The following FOXC1 variants were observed in gnomAD, a reference collection of about 807,000 sequenced individuals.
FOXC1 encodes the protein forkhead box C1, also known as forkhead box protein C1.
Under a neutral mutation model 8.1 loss-of-function variants are expected in FOXC1, and 5 were observed. The observed-to-expected ratio is 0.62, with a 90% CI of 0.32 to 1.30. The LOEUF is 1.30. FOXC1 is among the 50% of genes most tolerant of loss of function. FOXC1 has a pLI of 0.05. For synonymous variants in FOXC1, 552 were observed against 417.2 expected (o/e 1.32, Z -3.94); for missense variants, 942 against 858.0 (o/e 1.10, Z -1.22).
rs780038931 is a variant in FOXC1, at chr6:1,610,648, C to CGCCGCA, written c.213_218dup (p.Gln72_Pro73dup). 16 of 1,613,124 alleles carry CGCCGCA rather than the reference C, an allele frequency of 9.9e-6. No homozygotes were observed. The highest frequency in any genetic ancestry group is 9.3e-6 in the Non-Finnish European group (11 of 1,179,938). On this transcript the variant is annotated inframe_insertion, in exon 1 of 1. Coordinates refer to ENST00000645831, the MANE Select transcript of FOXC1 (RefSeq NM_001453.3). The stretch of plus-strand genomic sequence containing the variant: ...ATGGCCCGCGCCTACGGGCCCTACA[C>CGCCGCA]GCCGCAGCCGCAGCCCAAGGACATG...
rs753249545 is a variant in FOXC1 at position 1,611,979 on chromosome 6, G to A, written c.1534G>A (p.Glu512Lys). 1 of 1,611,582 alleles carries A rather than the reference G, an allele frequency of 6.2e-7. No homozygotes were observed. Among genetic ancestry groups the A allele is most frequent in the Non-Finnish European group, 8.5e-7 (1 of 1,179,152 alleles). ...QNFHSVREMF[E>K]SQRIGLNNSP... ...CTTCCACTCGGTGCGGGAGATGTTC[G>A]AGTCACAGAGGATCGGCTTGAACAA... Residue 512 changes from glutamate (E) to lysine (K), a missense_variant, in exon 1 of 1, where the codon GAG becomes AAG. Glu to Lys is a moderately conservative substitution (Grantham distance 56). This residue lies in a region of FOXC1 where 726 missense variants were observed against 599.6 expected (regional missense o/e 1.21). Coordinates refer to ENST00000645831, the MANE Select transcript of FOXC1 (RefSeq NM_001453.3). This position sits in a 1 kb window ranked among gnomAD's most constrained non-coding sequence, Gnocchi z 7.1.
In FOXC1 at chr6:1,611,432, C is replaced by A; in HGVS notation, c.987C>A (p.Ser329Arg). 7.0e-7 allele frequency: 1 copy of A among 1,425,440 alleles called. No homozygotes were observed. Among genetic ancestry groups the A allele is most frequent in the Non-Finnish European group, 9.2e-7 (1 of 1,090,704 alleles). 88.3% of individuals were successfully genotyped at this position (1,425,440 alleles called of 1,614,324 possible). The change falls in exon 1 of 1, where the codon AGC (serine) becomes AGA (arginine). Residue 329 changes from serine to arginine, a missense_variant. Physicochemically the swap from Ser to Arg is moderately radical, Grantham distance 110 (BLOSUM62 -1). This residue lies in a region of FOXC1 where 726 missense variants were observed against 599.6 expected (regional missense o/e 1.21). Coordinates refer to ENST00000645831, the MANE Select transcript of FOXC1 (RefSeq NM_001453.3). The surrounding 1 kb of genome is among the most constrained non-coding windows in gnomAD (Gnocchi z 7.1). ...GSPQSAAAEL[S>R]SGLLASAAAS... ...CGCAGAGCGCGGCCGCGGAGCTCAGCTCCGGCCTTCTGGCCTCGGCGGCCG... is the reference window on the plus strand; with the variant it reads ...CGCAGAGCGCGGCCGCGGAGCTCAGATCCGGCCTTCTGGCCTCGGCGGCCG...
In FOXC1 at chr6:1,612,010, C is replaced by A; in HGVS notation, c.1565C>A (p.Pro522Gln). ...CAGAGGATCGGCTTGAACAACTCTC[C>A]AGTGAACGGGAATAGTAGCTGTCAA... is the stretch of plus-strand genomic sequence containing the variant. Reference protein sequence around the residue: ...ESQRIGLNNSPVNGNSSCQMA... With the variant: ...ESQRIGLNNSQVNGNSSCQMA... The change falls in exon 1 of 1, where the codon CCA (proline) becomes CAA (glutamine). Residue 522 changes from proline (P) to glutamine (Q), a missense_variant. Physicochemically the swap from Pro to Gln is moderately conservative, Grantham distance 76. Coordinates refer to ENST00000645831, the MANE Select transcript of FOXC1 (RefSeq NM_001453.3). 6.2e-7 allele frequency: 1 copy of A among 1,612,670 alleles called. No homozygotes were observed. The highest frequency in any genetic ancestry group is 8.5e-7 in the Non-Finnish European group (1 of 1,179,794).
rs1455415866 is a variant in FOXC1 at position 1,611,472 on chromosome 6, G to A, written c.1027G>A (p.Gly343Arg). Residue 343 changes from glycine to arginine, a missense_variant, in exon 1 of 1, where the codon GGG becomes AGG. Gly to Arg is a moderately radical substitution (Grantham distance 125, BLOSUM62 -2). Coordinates refer to ENST00000645831, the MANE Select transcript of FOXC1 (RefSeq NM_001453.3). The surrounding 1 kb of genome is among the most constrained non-coding windows in gnomAD (Gnocchi z 7.1). The stretch of plus-strand genomic sequence containing the variant: ...CTCGGCGGCCGCGTCCTCGCGCGCG[G>A]GGATCGCACCCCCGCTGGCGCTCGG... ...LASAAASSRA[G>R]IAPPLALGAY... 7.2e-7 allele frequency: 1 copy of A among 1,384,498 alleles called. No individual in the cohort carries two copies. Among genetic ancestry groups the A allele is most frequent in the Non-Finnish European group, 9.4e-7 (1 of 1,066,324 alleles). The allele number at this position is 1,384,498 out of a possible 1,614,324, so 85.8% of individuals were successfully genotyped here.
Position 1,612,185 on chromosome 6 carries a change from A to G in FOXC1, c.*78A>G. ...AACCCATCAAGGCAAAATCGAAACT[A>G]AAAAAAAAAAATCCAATTAAAAAAA... On this transcript the variant is annotated 3_prime_UTR_variant, in exon 1 of 1. Transcript: ENST00000645831. 1.7e-6 allele frequency: 1 copy of G among 594,716 alleles called. No individual in the cohort carries two copies. The highest frequency in any genetic ancestry group is 2.3e-6 in the Non-Finnish European group (1 of 436,322). 36.8% of individuals were successfully genotyped at this position (594,716 alleles called of 1,614,324 possible).
rs1762572834 is a variant in FOXC1 at position 1,612,320 on chromosome 6, C to T, written c.*213C>T. On this transcript the variant is annotated 3_prime_UTR_variant, in exon 1 of 1. Coordinates refer to ENST00000645831, the MANE Select transcript of FOXC1 (RefSeq NM_001453.3). ...TTTTCTTAACCGATTAATTCAGAGC[C>T]ACCTCCACTTTGCCTTGTCTAAATA... is the stretch of plus-strand genomic sequence containing the variant. The T allele has an allele frequency of 1.4e-6, 1 of 711,944 alleles. No homozygotes were observed. The highest frequency in any genetic ancestry group is 1.8e-5 in the African/African-American group (1 of 55,524). The allele number at this position is 711,944 out of a possible 1,614,324, so 44.1% of individuals were successfully genotyped here.
Position 1,611,298 on chromosome 6 carries a change from C to G in FOXC1, c.853C>G (p.Leu285Val). 1 of 1,410,306 alleles carries G rather than the reference C, an allele frequency of 7.1e-7. No homozygotes were observed. Among genetic ancestry groups the G allele is most frequent in the African/African-American group, 1.5e-5 (1 of 65,842 alleles). 87.4% of individuals were successfully genotyped at this position (1,410,306 alleles called of 1,614,324 possible). ...CCTGCCGTCGGCGCGGCCGCTCAGC[C>G]TGGACGGTGCGGATTCCGCGCCGCC... is the stretch of plus-strand genomic sequence containing the variant. Reference protein sequence around the residue: ...GSLPSARPLSLDGADSAPPPP... With the variant: ...GSLPSARPLSVDGADSAPPPP... Residue 285 changes from leucine (L) to valine (V), a missense_variant, in exon 1 of 1, where the codon CTG (leucine) becomes GTG (valine). Transcript: ENST00000645831. The surrounding 1 kb of genome is among the most constrained non-coding windows in gnomAD (Gnocchi z 7.1).
rs1213205392 is a variant in FOXC1, at chr6:1,612,004, A to G, written c.1559A>G (p.Asn520Ser). 2 of 1,611,196 alleles carry G rather than the reference A, an allele frequency of 1.2e-6. No homozygotes were observed. Among genetic ancestry groups the G allele is most frequent in the African/African-American group, 1.3e-5 (1 of 74,708 alleles). Residue 520 changes from asparagine (N) to serine (S), a missense_variant, in exon 1 of 1, where the codon AAC becomes AGC. This residue lies in a region of FOXC1 where 726 missense variants were observed against 599.6 expected (regional missense o/e 1.21). Transcript: ENST00000645831. Reference protein sequence around the residue: ...MFESQRIGLNNSPVNGNSSCQ... With the variant: ...MFESQRIGLNSSPVNGNSSCQ... The stretch of plus-strand genomic sequence containing the variant: ...GAGTCACAGAGGATCGGCTTGAACA[A>G]CTCTCCAGTGAACGGGAATAGTAGC...
rs1346167733 is a variant in FOXC1, at chr6:1,610,206, C to G, written c.-240C>G. The stretch of plus-strand genomic sequence containing the variant: ...GCGGTCTGCCGCGGCCGGGCCCGGC[C>G]TTCTCCCCTCGCAGCGACCCCGCCT... On this transcript the variant is annotated 5_prime_UTR_variant, in exon 1 of 1. Coordinates refer to ENST00000645831, the MANE Select transcript of FOXC1 (RefSeq NM_001453.3). The G allele has an allele frequency of 6.6e-6, 1 of 152,086 alleles. No individual in the cohort carries two copies. The highest frequency in any genetic ancestry group is 1.5e-5 in the Non-Finnish European group (1 of 68,412). The allele number at this position is 152,086 out of a possible 1,614,324, so 9.4% of individuals were successfully genotyped here.
Position 1,613,008 on chromosome 6 carries a change from TC to T in FOXC1, c.*902del, listed in dbSNP as rs1762583544. The T allele has an allele frequency of 4.4e-6, 1 of 227,824 alleles. No individual in the cohort carries two copies. The highest frequency in any genetic ancestry group is 1.9e-4 in the South Asian group (1 of 5,338). The allele number at this position is 227,824 out of a possible 1,614,324, so 14.1% of individuals were successfully genotyped here. A position where few individuals can be genotyped will look rare whatever the true frequency, so the allele number is the denominator to read the frequency against. ...TTAGATTTATTTTCCTGCAGCATCT[TC>T]TGCAAAATGTACTATATAGTCAGCT... On this transcript the variant is annotated 3_prime_UTR_variant, in exon 1 of 1. Transcript: ENST00000645831.
Position 1,611,329 on chromosome 6 carries a change from C to A in FOXC1, c.884C>A (p.Pro295His). 7.1e-7 allele frequency: 1 copy of A among 1,417,046 alleles called. No individual in the cohort carries two copies. The highest frequency in any genetic ancestry group is 2.6e-5 in the Admixed American group (1 of 39,178). The allele number at this position is 1,417,046 out of a possible 1,614,324, so 87.8% of individuals were successfully genotyped here. A position where few individuals can be genotyped will look rare whatever the true frequency, so the allele number is the denominator to read the frequency against. The change falls in exon 1 of 1, where the codon CCC becomes CAC. Residue 295 changes from proline to histidine, a missense_variant. Physicochemically the swap from Pro to His is moderately conservative, Grantham distance 77 (BLOSUM62 -2). This residue lies in a region of FOXC1 where 726 missense variants were observed against 599.6 expected (regional missense o/e 1.21). Transcript: ENST00000645831. This position sits in a 1 kb window ranked among gnomAD's most constrained non-coding sequence, Gnocchi z 7.1. ...GGTGCGGATTCCGCGCCGCCGCCGC[C>A]CGCGCCCTCCGCCCCGCCGCCGCAC... ...LDGADSAPPPPAPSAPPPHHS... is the reference protein window; with the variant it reads ...LDGADSAPPPHAPSAPPPHHS...
rs1314394538 is a variant in FOXC1, at chr6:1,611,525, C to G, written c.1080C>G (p.Leu360=). Residue 360 remains leucine, a synonymous_variant, in exon 1 of 1, where the codon CTC becomes CTG. Coordinates refer to ENST00000645831, the MANE Select transcript of FOXC1 (RefSeq NM_001453.3). This position sits in a 1 kb window ranked among gnomAD's most constrained non-coding sequence, Gnocchi z 7.1. ...CCTACTCGCCCGGCCAGAGCTCCCT[C>G]TACAGCTCCCCCTGCAGCCAGACCT... The part of the protein sequence containing the change: ...LGAYSPGQSS[L]YSSPCSQTSS... 3.0e-6 allele frequency: 4 copies of G among 1,322,430 alleles called. No homozygotes were observed. Among genetic ancestry groups the G allele is most frequent in the African/African-American group, 3.1e-5 (2 of 65,148 alleles). 81.9% of individuals were successfully genotyped at this position (1,322,430 alleles called of 1,614,324 possible).
chr6:1,610,422 G>A lies in FOXC1; in HGVS notation c.-24G>A, dbSNP rs988714318. 8.1e-7 allele frequency: 1 copy of A among 1,235,360 alleles called. No individual in the cohort carries two copies. Among genetic ancestry groups the A allele is most frequent in the Non-Finnish European group, 1.0e-6 (1 of 984,338 alleles). The allele number at this position is 1,235,360 out of a possible 1,614,324, so 76.5% of individuals were successfully genotyped here. A position where few individuals can be genotyped will look rare whatever the true frequency, so the allele number is the denominator to read the frequency against. On this transcript the variant is annotated 5_prime_UTR_variant, in exon 1 of 1. Coordinates refer to ENST00000645831, the MANE Select transcript of FOXC1 (RefSeq NM_001453.3). ...GCGAGGGTGGGGGGCGGCGGGCGGC[G>A]CGGGGCGGCGGCGAGCGGGGGCCAT...
In FOXC1 at chr6:1,610,674, G is replaced by T. The variant is rs765987336; in HGVS notation, c.229G>T (p.Val77Leu). 1 of 1,613,734 alleles carries T rather than the reference G, an allele frequency of 6.2e-7. No individual in the cohort carries two copies. Residue 77 changes from valine to leucine, a missense_variant, in exon 1 of 1, where the codon GTG (valine) becomes TTG (leucine). Coordinates refer to ENST00000645831, the MANE Select transcript of FOXC1 (RefSeq NM_001453.3). ...YTPQPQPKDMVKPPYSYIALI... is the reference protein window; with the variant it reads ...YTPQPQPKDMLKPPYSYIALI... ...GCCGCAGCCGCAGCCCAAGGACATG[G>T]TGAAGCCGCCCTATAGCTACATCGC... is the stretch of plus-strand genomic sequence containing the variant.
rs778951487 is a variant in FOXC1 at position 1,611,996 on chromosome 6, C to T, written c.1551C>T (p.Gly517=). The change falls in exon 1 of 1, where the codon GGC becomes GGT. Residue 517 remains glycine (G), a synonymous_variant. Coordinates refer to ENST00000645831, the MANE Select transcript of FOXC1 (RefSeq NM_001453.3). The surrounding 1 kb of genome is among the most constrained non-coding windows in gnomAD (Gnocchi z 7.1). ...VREMFESQRI[G]LNNSPVNGNS... ...AGATGTTCGAGTCACAGAGGATCGG[C>T]TTGAACAACTCTCCAGTGAACGGGA... 6.2e-7 allele frequency: 1 copy of T among 1,610,486 alleles called. No homozygotes were observed. The highest frequency in any genetic ancestry group is 8.5e-7 in the Non-Finnish European group (1 of 1,179,186).
chr6:1,612,955 T>C lies in FOXC1; in HGVS notation c.*848T>C, dbSNP rs1762582881. ...ATGGAGAAACCCTCTGACTAGTCCA[T>C]GTCAAATTTTACTAAAAGTCTTTTT... On this transcript the variant is annotated 3_prime_UTR_variant, in exon 1 of 1. Transcript: ENST00000645831. 4.5e-6 allele frequency: 1 copy of C among 221,756 alleles called. No individual in the cohort carries two copies. Among genetic ancestry groups the C allele is most frequent in the Non-Finnish European group, 9.8e-6 (1 of 101,942 alleles). 13.7% of individuals were successfully genotyped at this position (221,756 alleles called of 1,614,324 possible). A position where few individuals can be genotyped will look rare whatever the true frequency, so the allele number is the denominator to read the frequency against.
In FOXC1 at chr6:1,611,697, G is replaced by A. The variant is rs1762554034; in HGVS notation, c.1252G>A (p.Gly418Ser). 1 of 1,431,930 alleles carries A rather than the reference G, an allele frequency of 7.0e-7. No homozygotes were observed. Among genetic ancestry groups the A allele is most frequent in the Non-Finnish European group, 9.1e-7 (1 of 1,099,232 alleles). 88.7% of individuals were successfully genotyped at this position (1,431,930 alleles called of 1,614,324 possible). The change falls in exon 1 of 1, where the codon GGC (glycine) becomes AGC (serine). Residue 418 changes from glycine to serine, a missense_variant. This residue lies in a region of FOXC1 where 726 missense variants were observed against 599.6 expected (regional missense o/e 1.21). Coordinates refer to ENST00000645831, the MANE Select transcript of FOXC1 (RefSeq NM_001453.3). The surrounding 1 kb of genome is among the most constrained non-coding windows in gnomAD (Gnocchi z 7.1). ...GGGCCACTTGCAGGGCGCGCCCGGG[G>A]GCGCGGGCGGCTCGGCCGTGGACGA... ...RGGHLQGAPG[G>S]AGGSAVDDPL...
At position 1,610,298 on chromosome 6, in the gene FOXC1, A is replaced by G. The variant is rs913935840; in HGVS notation, c.-148A>G. 3 of 300,628 alleles carry G rather than the reference A, an allele frequency of 1.0e-5. No individual in the cohort carries two copies. The highest frequency in any genetic ancestry group is 2.3e-5 in the African/African-American group (1 of 43,580). 18.6% of individuals were successfully genotyped at this position (300,628 alleles called of 1,614,324 possible). A position where few individuals can be genotyped will look rare whatever the true frequency, so the allele number is the denominator to read the frequency against. ...AGCCAGCCCCAGCGAGCGCCGGGAG[A>G]GGCGGCAGCGCAGCCGGACGCACAG... On this transcript the variant is annotated 5_prime_UTR_variant, in exon 1 of 1. Coordinates refer to ENST00000645831, the MANE Select transcript of FOXC1 (RefSeq NM_001453.3).
In FOXC1 at chr6:1,612,875, G is replaced by T; in HGVS notation, c.*768G>T. The stretch of plus-strand genomic sequence containing the variant: ...TAGAGCTTTAATTATTACGAAAAAA[G>T]ATTTCAGAGATAAAACACTAGAAGT... On this transcript the variant is annotated 3_prime_UTR_variant, in exon 1 of 1. Coordinates refer to ENST00000645831, the MANE Select transcript of FOXC1 (RefSeq NM_001453.3). 4.7e-6 allele frequency: 1 copy of T among 214,548 alleles called. No individual in the cohort carries two copies. The highest frequency in any genetic ancestry group is 7.8e-5 in the East Asian group (1 of 12,820). The allele number at this position is 214,548 out of a possible 1,614,324, so 13.3% of individuals were successfully genotyped here. A position where few individuals can be genotyped will look rare whatever the true frequency, so the allele number is the denominator to read the frequency against.
Sources: gnomAD v4.1 joint callset for allele counts on GRCh38, gnomAD v4.1.1 for gene constraint, gnomAD v4.1.1 regional missense constraint, Gnocchi (gnomAD v3.1) non-coding constraint, MANE v1.5 for transcripts, NCBI Gene and HGNC (gene_info 2026-07-23, HGNC 2026-07-21) for gene names.